ADGRF4: variants seen among roughly 807,000 people sequenced by gnomAD.
ADGRF4 encodes the protein G-protein coupled receptor PGR18.
Under a neutral mutation model 58.5 loss-of-function variants are expected in ADGRF4, and 63 were observed. The ratio of observed to expected loss-of-function variants is 1.08; its 90% CI spans 0.88 to 1.33. The LOEUF is 1.33. Ranked by LOEUF, ADGRF4 falls within the 40% of genes most tolerant of loss-of-function variation. The probability of loss-of-function intolerance (pLI) is 0.00; values close to 1 mark genes in which losing one functional copy is unlikely to be tolerated. For synonymous variants in ADGRF4, 313 were observed against 295.4 expected (o/e 1.06, Z -0.61); for missense variants, 931 against 843.9 (o/e 1.10, Z -1.28).
At chr6:47,708,107 A>T (rs925755261) in intron 2 of ADGRF4, 117 bp from the exon 3 acceptor site, 34 of 705,528 alleles carry the variant, frequency 4.8e-5, no homozygotes, top group Admixed American at 1.5e-4. Flanking sequence ...TATCTGCTGC[A>T]GTTTTCTTTC....
At chr6:47,710,050 C>T (rs547260196) in intron 3 of ADGRF4, among the ~76,000 whole-genome samples, 45 of 152,076 alleles carry the variant, frequency 3.0e-4, no homozygotes, top group African/African-American at 8.2e-4. Context: ...GTTAATGAAT[C>T]GACAATATAT....
Position 47,710,845 on chromosome 6 carries a change from G to A in ADGRF4, c.259G>A (p.Ala87Thr). 10 of 1,613,982 alleles carry A rather than the reference G, an allele frequency of 6.2e-6. No homozygotes were observed. Among genetic ancestry groups the A allele is most frequent in the Non-Finnish European group, 8.5e-6 (10 of 1,179,948 alleles). ...TCNQKKWQKS[A>T]ETCTSLSVEK... Reference sequence around the variant, plus strand: ...TAATCAAAAAAAGTGGCAAAAATCAGCTGAAACATGTACAAGCCTTTCTGT... The same window carrying A: ...TAATCAAAAAAAGTGGCAAAAATCAACTGAAACATGTACAAGCCTTTCTGT... Residue 87 changes from alanine (A) to threonine (T), a missense_variant, in exon 4 of 10, where the codon GCT (alanine) becomes ACT (threonine). Transcript: ENST00000283303.
At chr6:47,704,892 A>T (rs1436794289) in intron 1 of ADGRF4, among the ~76,000 whole-genome samples, 1 of 152,050 alleles carries the variant, frequency 6.6e-6, no homozygotes, top group Non-Finnish European at 1.5e-5. Flanking sequence ...AGTGAGTCAT[A>T]ATATAAGATC....
chr6:47,707,707 A>G (rs1771751922), intron 2 of ADGRF4, among the ~76,000 whole-genome samples: 1 of 152,192 alleles, frequency 6.6e-6, no homozygotes, highest in African/African-American at 2.4e-5. Flanking sequence ...TTCTTTATCT[A>G]TAAGATGAAG....
At chr6:47,716,347 A>G (rs1772018880) in intron 6 of ADGRF4, among the ~76,000 whole-genome samples, 1 of 151,766 alleles carries the variant, frequency 6.6e-6, no homozygotes, top group Non-Finnish European at 1.5e-5. Flanking sequence ...TTTTTCCACC[A>G]GCTTAGAGGC....
At chr6:47,712,216 C>T (rs1394103567) in intron 4 of ADGRF4, 141 bp from the exon 5 acceptor site, 3 of 708,040 alleles carry the variant, frequency 4.2e-6, no homozygotes, top group Admixed American at 2.6e-5. Flanking sequence ...CGTCTCCACC[C>T]CCCTCTGCAT....
In ADGRF4 at chr6:47,710,810, G is replaced by T; in HGVS notation, c.224G>T (p.Gly75Val). 1 of 1,613,602 alleles carries T rather than the reference G, an allele frequency of 6.2e-7. No homozygotes were observed. The highest frequency in any genetic ancestry group is 1.1e-5 in the South Asian group (1 of 91,050). ...GCTAAGGACTTTCATGGAGAAATAG[G>T]ATTTACATGTAATCAAAAAAAGTGG... ...PCAKDFHGEI[G>V]FTCNQKKWQK... Residue 75 changes from glycine to valine, a missense_variant, in exon 4 of 10, where the codon GGA (glycine) becomes GTA (valine). Transcript: ENST00000283303.
rs760884027 is a variant in ADGRF4 at position 47,708,225 on chromosome 6, C to G, written c.95C>G (p.Ala32Gly). The G allele has an allele frequency of 6.2e-7, 1 of 1,610,880 alleles. No individual in the cohort carries two copies. ...SHYRSKIHLK[A>G]GDKLQSPEGK... ...CCATTGGGAATTTATATTTTTCAGG[C>G]TGGAGATAAACTTCAAAGCCCTGAA... Residue 32 changes from alanine (A) to glycine (G), a missense_variant and splice_region_variant, in exon 3 of 10, where the codon GCT becomes GGT. Coordinates refer to ENST00000283303, the MANE Select transcript of ADGRF4 (RefSeq NM_153838.5).
At chr6:47,712,218 C>A (rs934207283) in intron 4 of ADGRF4, 139 bp from the exon 5 acceptor site, 11 of 723,722 alleles carry the variant, frequency 1.5e-5, no homozygotes, top group African/African-American at 1.4e-4. Context: ...TCTCCACCCC[C>A]CTCTGCATCA....
Position 47,714,536 on chromosome 6 carries a change from G to A in ADGRF4, c.1291G>A (p.Val431Ile). The change falls in exon 6 of 10, where the codon GTT (valine) becomes ATT (isoleucine). Residue 431 changes from valine to isoleucine, a missense_variant. Transcript: ENST00000283303. ...TGAAGCCACAGTGTGGTCCCGGGTGGTTGTGACGGAGATATCATACATGCG... is the reference window on the plus strand; with the variant it reads ...TGAAGCCACAGTGTGGTCCCGGGTGATTGTGACGGAGATATCATACATGCG... ...IIEATVWSRV[V>I]VTEISYMRHV... The A allele has an allele frequency of 6.2e-7, 1 of 1,614,104 alleles. No homozygotes were observed. Among genetic ancestry groups the A allele is most frequent in the Non-Finnish European group, 8.5e-7 (1 of 1,180,020 alleles).
intron 1 of ADGRF4, among the ~76,000 whole-genome samples, chr6:47,706,170 C>T (rs1055935342): frequency 1.3e-5 from 2 of 152,074 alleles, no homozygotes; most frequent in African/African-American, 4.8e-5. Context: ...AACTTTATTG[C>T]CAATAAGGGG....
rs1210880632 is a variant in ADGRF4 at position 47,717,378 on chromosome 6, C to T, written c.2034+27C>T. The T allele has an allele frequency of 4.0e-6, 6 of 1,508,822 alleles. No individual in the cohort carries two copies. The South Asian group carries it at 5.6e-5, about 14-fold the overall frequency. 93.5% of individuals were successfully genotyped at this position (1,508,822 alleles called of 1,614,324 possible). ...TAAGCCTTCCCCTTTTAGTCTCAGC[C>T]CTGGAGAGTCCGTGTCCTTGCCGGT... On this transcript the variant is annotated intron_variant, in intron 8 of 9. Coordinates refer to ENST00000283303, the MANE Select transcript of ADGRF4 (RefSeq NM_153838.5).
At chr6:47,710,690 TA>T in intron 3 of ADGRF4, 44 bp from the exon 4 acceptor site, 1 of 1,537,054 alleles carries the variant, frequency 6.5e-7, no homozygotes, top group Non-Finnish European at 8.7e-7. Flanking sequence ...GTGGAAATCC[TA>T]ATTGGGCTCC....
chr6:47,718,873 A>C (rs948216664), intron 9 of ADGRF4, among the ~76,000 whole-genome samples: 5 of 152,152 alleles, frequency 3.3e-5, no homozygotes, highest in South Asian at 4.2e-4. Flanking sequence ...TTAGCTACCT[A>C]CTTATAGCCA....
chr6:47,718,138 T>A (rs1196156273), intron 8 of ADGRF4, among the ~76,000 whole-genome samples: 3 of 152,338 alleles, frequency 2.0e-5, no homozygotes, highest in East Asian at 3.9e-4. Flanking sequence ...TTGGAATGTA[T>A]CTTATATTCA....
In ADGRF4 at chr6:47,707,250, A is replaced by G. The variant is rs1313191422; in HGVS notation, c.5A>G (p.Lys2Arg). M[K>R]MKSQATMICC... ...TGCAGGTGAAGATCCTCATGTATGAAAATGAAGTCCCAGGCAACCATGATT... is the reference window on the plus strand; with the variant it reads ...TGCAGGTGAAGATCCTCATGTATGAGAATGAAGTCCCAGGCAACCATGATT... Residue 2 changes from lysine to arginine, a missense_variant, in exon 2 of 10, where the codon AAA (lysine) becomes AGA (arginine). Coordinates refer to ENST00000283303, the MANE Select transcript of ADGRF4 (RefSeq NM_153838.5). 3 of 1,608,170 alleles carry G rather than the reference A, an allele frequency of 1.9e-6. No individual in the cohort carries two copies. The highest frequency in any genetic ancestry group is 2.6e-6 in the Non-Finnish European group (3 of 1,174,620).
chr6:47,718,043 T>G (rs1772068105), intron 8 of ADGRF4, among the ~76,000 whole-genome samples: 1 of 152,220 alleles, frequency 6.6e-6, no homozygotes, highest in Non-Finnish European at 1.5e-5. Flanking sequence ...CCATTTATAT[T>G]TAGATAGCAT....
intron 1 of ADGRF4, among the ~76,000 whole-genome samples, chr6:47,699,003 G>C (rs1050407972): frequency 2.0e-5 from 3 of 152,166 alleles, no homozygotes; most frequent in African/African-American, 7.2e-5. Flanking sequence ...TTCTTTAAGA[G>C]TTGTTTGTCA....
intron 9 of ADGRF4, among the ~76,000 whole-genome samples, chr6:47,719,241 T>A (rs567747030): frequency 6.6e-6 from 1 of 152,250 alleles, no homozygotes; most frequent in South Asian, 2.1e-4. Flanking sequence ...TTAAGGGACA[T>A]CCATGTTACA....
Sources: gnomAD v4.1 joint callset for allele counts (sites outside exome capture counted in the v4.1 genomes callset) on GRCh38, gnomAD v4.1.1 for gene constraint, MANE v1.5 for transcripts, NCBI Gene and HGNC (gene_info 2026-07-23, HGNC 2026-07-21) for gene names.